The following SLC18A1 variants were observed in gnomAD, a reference collection of about 807,000 sequenced individuals.
SLC18A1 encodes chromaffin granule amine transporter.
A neutral mutation model predicts 53.7 loss-of-function variants in SLC18A1; 69 were observed. The observed-to-expected ratio is 1.28, with a 90% CI of 1.06 to 1.57. The LOEUF (loss-of-function observed/expected upper bound fraction) is 1.57, where lower values mean the gene tolerates loss of function less well. Ranked by LOEUF, SLC18A1 falls within the 40% of genes most tolerant of loss-of-function variation. The pLI is 0.00. For missense variants in SLC18A1, 932 were observed against 668.1 expected (o/e 1.40, Z -4.35); for synonymous variants, 320 against 248.1 (o/e 1.29, Z -2.72).
chr8:20,180,732 T>G, intron 2 of SLC18A1, 109 bp downstream of exon 2: 2 of 1,419,396 alleles, frequency 1.4e-6, no homozygotes, highest in South Asian at 1.3e-5. Flanking sequence ...TTTTTGAGCA[T>G]AAAAAGGAAA....
chr8:20,173,026 T>A lies in SLC18A1; in HGVS notation c.724+10A>T. ...CTCCCGAACCCAGAGCTCCAGCTGG[T>A]GCCACTTACCCAGCAACCCCAAGGC... On this transcript the variant is annotated intron_variant, in intron 6 of 15. Coordinates refer to ENST00000276373, the MANE Select transcript of SLC18A1 (RefSeq NM_003053.4). 6.4e-7 allele frequency: 1 copy of A among 1,569,554 alleles called. No homozygotes were observed. The highest frequency in any genetic ancestry group is 8.7e-7 in the Non-Finnish European group (1 of 1,154,982).
chr8:20,163,385 T>C (rs1269578229), intron 10 of SLC18A1, among the ~76,000 whole-genome samples: 1 of 152,012 alleles, frequency 6.6e-6, no homozygotes, highest in Non-Finnish European at 1.5e-5. Flanking sequence ...ATATCAGAGG[T>C]CAAAGAGGTT....
chr8:20,146,217 C>A (rs2071393687), intron 15 of SLC18A1, among the ~76,000 whole-genome samples: 1 of 152,114 alleles, frequency 6.6e-6, no homozygotes, highest in Non-Finnish European at 1.5e-5. Context: ...GCCCGGCCAA[C>A]CACCGCACAT....
chr8:20,179,389 C>T lies in SLC18A1; in HGVS notation c.220G>A (p.Ala74Thr), dbSNP rs773937408. ...GHAGSSPHALASPAFSTIFSF... is the reference protein window; with the variant it reads ...GHAGSSPHALTSPAFSTIFSF... Reference sequence around the variant, plus strand: ...AAGATGGTGGAAAAGGCAGGAGAGGCGAGGGCATGTGGGGAACTTCCGGCA... The same window carrying T: ...AAGATGGTGGAAAAGGCAGGAGAGGTGAGGGCATGTGGGGAACTTCCGGCA... Residue 74 changes from alanine to threonine, a missense_variant, in exon 3 of 16, where the codon GCC becomes ACC. By Grantham distance (58) the Ala-to-Thr change is moderately conservative. Coordinates refer to ENST00000276373, the MANE Select transcript of SLC18A1 (RefSeq NM_003053.4). 2.7e-5 allele frequency: 43 copies of T among 1,613,970 alleles called. No homozygotes were observed. The highest frequency in any genetic ancestry group is 1.6e-4 in the East Asian group (7 of 44,874).
rs540483592 is a variant in SLC18A1 at position 20,176,339 on chromosome 8, G to A, written c.548-1895C>T. Among the ~76,000 whole-genome samples, 280 of 152,206 alleles carry A rather than the reference G, an allele frequency of 1.8e-3. 1 individual carries two copies. Among genetic ancestry groups the A allele is most frequent in the Middle Eastern group, 0.01 (3 of 294 alleles). ...TCCACCATGAGTGGAAGCTCCCTGA[G>A]GCCCGCACCAGAAGCAGATGCTGGT... On this transcript the variant is annotated intron_variant, in intron 4 of 15. Coordinates refer to ENST00000276373, the MANE Select transcript of SLC18A1 (RefSeq NM_003053.4).
chr8:20,157,318 G>A (rs1204103817), intron 10 of SLC18A1, among the ~76,000 whole-genome samples: 1 of 152,194 alleles, frequency 6.6e-6, no homozygotes, highest in African/African-American at 2.4e-5. Flanking sequence ...ATTGCAGCCT[G>A]AGAGTTTGGC....
Position 20,179,148 on chromosome 8 carries a change from T to G in SLC18A1, c.461A>C (p.Asn154Thr), listed in dbSNP as rs925722814. ...ASKAVMQLLV[N>T]PFVGPLTNRI... ...GTTGGTGAGAGGGCCCACGAATGGG[T>G]TGACCAGAAGTTGCATCACAGCCTT... The change falls in exon 3 of 16, where the codon AAC becomes ACC. Residue 154 changes from asparagine to threonine, a missense_variant. Physicochemically the swap from Asn to Thr is moderately conservative, Grantham distance 65. Coordinates refer to ENST00000276373, the MANE Select transcript of SLC18A1 (RefSeq NM_003053.4). 8.1e-6 allele frequency: 13 copies of G among 1,613,408 alleles called. No homozygotes were observed. Among genetic ancestry groups the G allele is most frequent in the Non-Finnish European group, 1.1e-5 (13 of 1,179,538 alleles).
chr8:20,173,595 T>C lies in SLC18A1; in HGVS notation c.632-467A>G, dbSNP rs1395358701. Among the ~76,000 whole-genome samples, 7 of 152,326 alleles carry C rather than the reference T, an allele frequency of 4.6e-5. No individual in the cohort carries two copies. In the East Asian group the frequency reaches 5.8e-4, roughly 13 times the overall value. On this transcript the variant is annotated intron_variant, in intron 5 of 15. Transcript: ENST00000276373. ...CGGCAGCTGGACCCTCTGGCCTTCA[T>C]AGCTATGGGTAAAATGGCATAAAAT...
intron 8 of SLC18A1, 85 bp from the exon 9 acceptor site, chr8:20,165,192 T>C: frequency 2.5e-6 from 3 of 1,222,288 alleles, no homozygotes; most frequent in Non-Finnish European, 3.6e-6. Context: ...AGTACAATTA[T>C]GGGCTTAGAG....
chr8:20,167,774 C>T (rs1237883598), intron 8 of SLC18A1, among the ~76,000 whole-genome samples: 1 of 151,944 alleles, frequency 6.6e-6, no homozygotes, highest in Non-Finnish European at 1.5e-5. Flanking sequence ...GCACCCACCG[C>T]CACGCCTGGC....
rs200725249 is a variant in SLC18A1 at position 20,148,076 on chromosome 8, T to G, written c.1147-6A>C. 1 of 1,613,686 alleles carries G rather than the reference T, an allele frequency of 6.2e-7. No individual in the cohort carries two copies. The highest frequency in any genetic ancestry group is 1.7e-5 in the Admixed American group (1 of 59,984). ...ATATTGTGAGCCAGAGGAACCTGCATGGGGAAGGAGGAAGAGTCATCAGGA... is the reference window on the plus strand; with the variant it reads ...ATATTGTGAGCCAGAGGAACCTGCAGGGGGAAGGAGGAAGAGTCATCAGGA... On this transcript the variant is annotated splice_region_variant and splice_polypyrimidine_tract_variant and intron_variant, in intron 12 of 15. Transcript: ENST00000276373.
intron 10 of SLC18A1, among the ~76,000 whole-genome samples, chr8:20,154,472 A>G (rs542884730): frequency 9.6e-4 from 147 of 152,332 alleles, no homozygotes; most frequent in South Asian, 1.5e-3. Context: ...TAACGACATG[A>G]CATTCAAAGG....
Position 20,154,751 on chromosome 8 carries a change from G to A in SLC18A1, c.1016-4007C>T, listed in dbSNP as rs552646548. Reference sequence around the variant, plus strand: ...TCTCTGAGGGCAACCCCCTTTGGGAGCTCTGTTTTCACTCTATTAGATCTT... The same window carrying A: ...TCTCTGAGGGCAACCCCCTTTGGGAACTCTGTTTTCACTCTATTAGATCTT... On this transcript the variant is annotated intron_variant, in intron 10 of 15. Coordinates refer to ENST00000276373, the MANE Select transcript of SLC18A1 (RefSeq NM_003053.4). Among the ~76,000 whole-genome samples the A allele has an allele frequency of 9.2e-5, 14 of 152,348 alleles. No individual in the cohort carries two copies. In the East Asian group the frequency reaches 2.7e-3, roughly 29 times the overall value.
chr8:20,165,979 T>C (rs185252719), intron 8 of SLC18A1, among the ~76,000 whole-genome samples: 58 of 152,222 alleles, frequency 3.8e-4, no homozygotes, highest in Non-Finnish European at 6.0e-4. Flanking sequence ...CAATAGTGGA[T>C]TGATAAATTT....
chr8:20,170,081 G>C (rs1452313251), intron 8 of SLC18A1, among the ~76,000 whole-genome samples: 1 of 152,118 alleles, frequency 6.6e-6, no homozygotes, highest in African/African-American at 2.4e-5. Context: ...AGGGTATTTG[G>C]TGCTCCTTGC....
intron 10 of SLC18A1, among the ~76,000 whole-genome samples, chr8:20,160,612 T>G (rs2071806526): frequency 6.6e-6 from 1 of 152,160 alleles, no homozygotes; most frequent in African/African-American, 2.4e-5. Flanking sequence ...GCTAATCCAT[T>G]TAGGATTCCA....
At chr8:20,150,856 C>T (rs932311631) in intron 10 of SLC18A1, 112 bp from the exon 11 acceptor site, 20 of 958,236 alleles carry the variant, frequency 2.1e-5, no homozygotes, top group Non-Finnish European at 3.1e-5. Context: ...ATCCCCAAAC[C>T]ACTTTGTTTT....
At chr8:20,156,276 A>T (rs1359510806) in intron 10 of SLC18A1, among the ~76,000 whole-genome samples, 1 of 150,388 alleles carries the variant, frequency 6.6e-6, no homozygotes, top group Non-Finnish European at 1.5e-5. Flanking sequence ...AAAAAAAAGT[A>T]GCTTACTAAC....
At chr8:20,170,053 G>GTGCT (rs1446636057) in intron 8 of SLC18A1, among the ~76,000 whole-genome samples, 3 of 152,134 alleles carry the variant, frequency 2.0e-5, no homozygotes, top group Non-Finnish European at 2.9e-5. Context: ...CATATGCCAG[G>GTGCT]CCTGGGAGCC....
Sources: gnomAD v4.1 joint callset for allele counts (sites outside exome capture counted in the v4.1 genomes callset) on GRCh38, gnomAD v4.1.1 for gene constraint, MANE v1.5 for transcripts, NCBI Gene and HGNC (gene_info 2026-07-23, HGNC 2026-07-21) for gene names.